Variants in EIF4E observed in about 807,000 individuals in gnomAD.
The protein encoded by EIF4E is eukaryotic translation initiation factor 4E.
For synonymous variants in EIF4E, 71 were observed against 88.5 expected (o/e 0.80, Z 1.11); for missense variants, 113 against 265.6 (o/e 0.43, Z 3.99).
Position 98,891,454 on chromosome 4 carries a change from G to GTA in EIF4E, c.126-124_126-123dup, listed in dbSNP as rs1410645900. The GTA allele has an allele frequency of 2.0e-5, 16 of 784,924 alleles. No individual in the cohort carries two copies. The Admixed American group carries it at 2.4e-4, about 12-fold the overall frequency. 48.6% of individuals were successfully genotyped at this position (784,924 alleles called of 1,614,324 possible). ...GTCCATCAACAGATGAATGAAAAAT[G>GTA]TATATATACACACAATGGAATACTA... On this transcript the variant is annotated intron_variant, in intron 2 of 6. Coordinates refer to ENST00000450253, the MANE Select transcript of EIF4E (RefSeq NM_001968.5).
intron 1 of EIF4E, among the ~76,000 whole-genome samples, chr4:98,916,328 AAAAT>A (rs752870022): frequency 2.0e-5 from 3 of 151,648 alleles, no homozygotes; most frequent in Non-Finnish European, 4.4e-5. Context: ...TGGGAGGGAG[AAAAT>A]AAATACCTGG....
At chr4:98,914,738 T>C (rs1283728758) in intron 1 of EIF4E, among the ~76,000 whole-genome samples, 1 of 152,156 alleles carries the variant, frequency 6.6e-6, no homozygotes, top group African/African-American at 2.4e-5. Context: ...CCACAGACTG[T>C]ACAACATCAG....
chr4:98,896,195 C>CAATAAAATAA lies in EIF4E; in HGVS notation c.126-4873_126-4864dup, dbSNP rs374560295. Among the ~76,000 whole-genome samples the CAATAAAATAA allele has an allele frequency of 1.3e-3, 172 of 135,050 alleles. 4 individuals are homozygous for CAATAAAATAA. Among genetic ancestry groups the CAATAAAATAA allele is most frequent in the African/African-American group, 6.3e-3 (164 of 26,050 alleles). 88.6% of individuals were successfully genotyped at this position (135,050 alleles called of 152,430 possible). ...TGGTGACAGAGCGAGGCTCCATCTC[C>CAATAAAATAA]AATAAAATAAAATAAAATAAAATAA... On this transcript the variant is annotated intron_variant, in intron 2 of 6. Coordinates refer to ENST00000450253, the MANE Select transcript of EIF4E (RefSeq NM_001968.5).
chr4:98,928,232 C>A (rs1385624696), intron 1 of EIF4E, among the ~76,000 whole-genome samples: 2 of 152,062 alleles, frequency 1.3e-5, no homozygotes, highest in Admixed American at 6.6e-5. Flanking sequence ...GCAGCAGGTC[C>A]GGCCGGCAAG....
chr4:98,902,464 T>C (rs1724692565), intron 1 of EIF4E, among the ~76,000 whole-genome samples: 2 of 152,138 alleles, frequency 1.3e-5, no homozygotes, highest in South Asian at 4.1e-4. Flanking sequence ...TATTCTCATA[T>C]CTCTTCATTA....
At chr4:98,883,392 A>ATT (rs1479416116) in intron 6 of EIF4E, among the ~76,000 whole-genome samples, 29 of 108,686 alleles carry the variant, frequency 2.7e-4, no homozygotes, top group Non-Finnish European at 4.3e-4. Context: ...TTGTAAGTCA[A>ATT]ATTTTTTTTT....
intron 6 of EIF4E, 92 bp from the exon 7 acceptor site, chr4:98,881,234 T>A: frequency 6.6e-7 from 1 of 1,506,554 alleles, no homozygotes; most frequent in African/African-American, 1.4e-5. Flanking sequence ...TTAGTCTTTA[T>A]ATTAAAAAAC....
chr4:98,883,393 A>ATTTTTTTTT (rs11408890), intron 6 of EIF4E, among the ~76,000 whole-genome samples: 9 of 103,892 alleles, frequency 8.7e-5, no homozygotes, highest in Admixed American at 1.4e-4. Flanking sequence ...TGTAAGTCAA[A>ATTTTTTTTT]TTTTTTTTTT....
chr4:98,890,976 G>A (rs1724120928), intron 3 of EIF4E: 1 of 505,656 alleles, frequency 2.0e-6, no homozygotes, highest in African/African-American at 1.9e-5. Context: ...GCTGTCAAAA[G>A]TTCTAAGGGC....
At chr4:98,921,686 A>G (rs1261273658) in intron 1 of EIF4E, among the ~76,000 whole-genome samples, 1 of 152,232 alleles carries the variant, frequency 6.6e-6, no homozygotes, top group East Asian at 1.9e-4. Flanking sequence ...AACTTTTTCA[A>G]AACAACTGTT....
At chr4:98,925,538 G>A (rs751311893) in intron 1 of EIF4E, among the ~76,000 whole-genome samples, 18 of 152,130 alleles carry the variant, frequency 1.2e-4, no homozygotes, top group Non-Finnish European at 4.4e-5. Context: ...GAGGTAAAAT[G>A]TTTCCCTTAA....
chr4:98,909,531 A>G lies in EIF4E; in HGVS notation c.19-7549T>C, dbSNP rs1359581757. 3 of 620,134 alleles carry G rather than the reference A, an allele frequency of 4.8e-6. No individual in the cohort carries two copies. In the South Asian group the frequency reaches 6.3e-5, roughly 13 times the overall value. The allele number at this position is 620,134 out of a possible 1,614,324, so 38.4% of individuals were successfully genotyped here. A position where few individuals can be genotyped will look rare whatever the true frequency, so the allele number is the denominator to read the frequency against. Reference sequence around the variant, plus strand: ...TAATGCAAAAAACACCCTGTACATAAAAGTTTCAGGCTTCTAACTCCACTG... The same window carrying G: ...TAATGCAAAAAACACCCTGTACATAGAAGTTTCAGGCTTCTAACTCCACTG... On this transcript the variant is annotated intron_variant, in intron 1 of 6. Coordinates refer to ENST00000450253, the MANE Select transcript of EIF4E (RefSeq NM_001968.5).
chr4:98,891,906 C>G (rs993330321), intron 2 of EIF4E, among the ~76,000 whole-genome samples: 1 of 152,146 alleles, frequency 6.6e-6, no homozygotes, highest in African/African-American at 2.4e-5. Context: ...TATGTTATGT[C>G]TACTACATAA....
chr4:98,902,131 C>A (rs1724680667), intron 1 of EIF4E, 149 bp from the exon 2 acceptor site: 4 of 638,694 alleles, frequency 6.3e-6, no homozygotes, highest in Non-Finnish European at 5.3e-6. Context: ...TGCAGTCGTG[C>A]GATCTTGGCT....
chr4:98,879,398 C>T lies in EIF4E; in HGVS notation c.*1630G>A, dbSNP rs1723580724. The stretch of plus-strand genomic sequence containing the variant: ...TCTCAAAATAATAATTTCCATTCTG[C>T]TACCTACAGTTTGGCTTATCCTTTG... On this transcript the variant is annotated 3_prime_UTR_variant, in exon 7 of 7. Transcript: ENST00000450253. The T allele has an allele frequency of 6.6e-6, 1 of 152,080 alleles. No individual in the cohort carries two copies. The highest frequency in any genetic ancestry group is 1.5e-5 in the Non-Finnish European group (1 of 67,984). 9.4% of individuals were successfully genotyped at this position (152,080 alleles called of 1,614,324 possible). A position where few individuals can be genotyped will look rare whatever the true frequency, so the allele number is the denominator to read the frequency against.
intron 6 of EIF4E, among the ~76,000 whole-genome samples, chr4:98,882,945 T>C (rs945072512): frequency 3.9e-5 from 6 of 152,136 alleles, no homozygotes; most frequent in African/African-American, 1.4e-4. Context: ...GCATGAAATG[T>C]AGAAAATCCC....
intron 1 of EIF4E, among the ~76,000 whole-genome samples, chr4:98,905,416 G>A (rs115650196): frequency 0.023 from 3,531 of 152,242 alleles, 121 homozygotes; most frequent in African/African-American, 0.081. Context: ...TAGGTGGGTA[G>A]AATAGGGAGT....
chr4:98,883,082 T>C (rs1723765954), intron 6 of EIF4E, among the ~76,000 whole-genome samples: 1 of 152,090 alleles, frequency 6.6e-6, no homozygotes, highest in Non-Finnish European at 1.5e-5. Flanking sequence ...GGCTAGGAGT[T>C]TGACACCAGC....
chr4:98,902,661 A>T lies in EIF4E; in HGVS notation c.19-679T>A, dbSNP rs116545924. Among the ~76,000 whole-genome samples, 1,340 of 152,228 alleles carry T rather than the reference A, an allele frequency of 8.8e-3. 22 individuals carry two copies. The highest frequency in any genetic ancestry group is 0.031 in the African/African-American group (1,278 of 41,512). ...TACTGCATATGGTACTGAAGGGGGT[A>T]TCAGGAAGGATACAGGATGGAAACT... On this transcript the variant is annotated intron_variant, in intron 1 of 6. Coordinates refer to ENST00000450253, the MANE Select transcript of EIF4E (RefSeq NM_001968.5).
Sources: gnomAD v4.1 joint callset for allele counts (sites outside exome capture counted in the v4.1 genomes callset) on GRCh38, gnomAD v4.1.1 for gene constraint, MANE v1.5 for transcripts, NCBI Gene and HGNC (gene_info 2026-07-23, HGNC 2026-07-21) for gene names.